PRDM16: variants seen among roughly 807,000 people sequenced by gnomAD.
PRDM16 encodes the protein PR/SET domain 16, also known as histone-lysine N-methyltransferase PRDM16.
PRDM16 carries 23 observed loss-of-function variants against 110.6 expected under a neutral mutation model. The observed-to-expected ratio is 0.21, with a 90% confidence interval of 0.15 to 0.29. The LOEUF (loss-of-function observed/expected upper bound fraction) is 0.29, where lower values mean the gene tolerates loss of function less well. Ranked by LOEUF, PRDM16 falls within the 10% of genes least tolerant of loss-of-function variation. The probability of loss-of-function intolerance (pLI) is 1.00; values close to 1 mark genes in which losing one functional copy is unlikely to be tolerated. For missense variants in PRDM16, 1,615 were observed against 1,794.3 expected (o/e 0.90, Z 1.81); for synonymous variants, 799 against 781.8 (o/e 1.02, Z -0.37).
At position 3,411,919 on chromosome 1, in the gene PRDM16, G is replaced by A; in HGVS notation, c.1722G>A (p.Gly574=). The A allele has an allele frequency of 2.5e-6, 4 of 1,613,734 alleles. No homozygotes were observed. The African/African-American group carries it at 4.0e-5, about 16-fold the overall frequency. ...NSSQGTTAAA[G]PEEKFESRLE... ...GCCAGGGCACGACGGCAGCTGCGGG[G>A]CCCGAGGAGAAGTTCGAGAGCCGCC... Residue 574 remains glycine, a synonymous_variant, in exon 9 of 17, where the codon GGG becomes GGA. Transcript: ENST00000270722.
At position 3,437,797 on chromosome 1, in the gene PRDM16, G is replaced by A. The variant is rs1447584678; in HGVS notation, c.*3986G>A. 3 of 217,828 alleles carry A rather than the reference G, an allele frequency of 1.4e-5. No homozygotes were observed. The highest frequency in any genetic ancestry group is 1.9e-4 in the South Asian group (1 of 5,386). 13.5% of individuals were successfully genotyped at this position (217,828 alleles called of 1,614,324 possible). ...TAAAAGGCAGCTTGAGTTTCCAAAC[G>A]TGTGATTCACTTGTGAACAAAAGTC... On this transcript the variant is annotated 3_prime_UTR_variant, in exon 17 of 17. Coordinates refer to ENST00000270722, the MANE Select transcript of PRDM16 (RefSeq NM_022114.4).
chr1:3,235,520 A>T (rs1364520801), intron 2 of PRDM16, among the ~76,000 whole-genome samples: 1 of 152,108 alleles, frequency 6.6e-6, no homozygotes, highest in Non-Finnish European at 1.5e-5. Flanking sequence ...GCCTGCAGAG[A>T]TCCTTCCCGC....
chr1:3,293,873 T>C (rs1570009923), intron 3 of PRDM16, among the ~76,000 whole-genome samples: 2 of 152,116 alleles, frequency 1.3e-5, no homozygotes, highest in East Asian at 3.9e-4. Context: ...CCCCGGCAGG[T>C]GTCTGAGGGC....
At chr1:3,144,608 A>T (rs1341818099) in intron 1 of PRDM16, among the ~76,000 whole-genome samples, 1 of 152,112 alleles carries the variant, frequency 6.6e-6, no homozygotes, top group Non-Finnish European at 1.5e-5. Flanking sequence ...TGTAGACCCC[A>T]CAGCACCCTG....
intron 2 of PRDM16, among the ~76,000 whole-genome samples, chr1:3,224,733 T>C (rs531330021): frequency 6.6e-6 from 1 of 152,216 alleles, no homozygotes; most frequent in South Asian, 2.1e-4. Context: ...TACTGTGGGC[T>C]CCACAGGATG....
At chr1:3,228,559 T>C (rs1639341946) in intron 2 of PRDM16, among the ~76,000 whole-genome samples, 1 of 152,126 alleles carries the variant, frequency 6.6e-6, no homozygotes, top group Non-Finnish European at 1.5e-5. Flanking sequence ...AAGATGGGCA[T>C]AAAGTTGAAT....
chr1:3,392,334 A>G (rs1643312584), intron 4 of PRDM16, among the ~76,000 whole-genome samples: 1 of 152,218 alleles, frequency 6.6e-6, no homozygotes, highest in Non-Finnish European at 1.5e-5. Flanking sequence ...TACTTGATTC[A>G]AGCCTGCCTT....
chr1:3,177,437 G>C (rs560148840), intron 1 of PRDM16, among the ~76,000 whole-genome samples: 3 of 152,336 alleles, frequency 2.0e-5, no homozygotes, highest in East Asian at 3.9e-4. Context: ...CTCCCAGCTC[G>C]TTCCTGACTA....
intron 1 of PRDM16, among the ~76,000 whole-genome samples, chr1:3,179,680 G>T (rs924474757): frequency 6.6e-6 from 1 of 152,230 alleles, no homozygotes; most frequent in Non-Finnish European, 1.5e-5. Flanking sequence ...TGAAGGGGCC[G>T]CCCGCTCTCA....
intron 3 of PRDM16, among the ~76,000 whole-genome samples, chr1:3,351,581 TCCCTCCCTCTCTCTTC>T (rs1642487815): frequency 1.3e-3 from 1 of 764 alleles, no homozygotes. Context: ...CCTCCTTCTC[TCCCTCCCTCTCTCTTC>T]CCCTCCCTCT....
Position 3,209,116 on chromosome 1 carries a change from G to T in PRDM16, c.387+22642G>T, listed in dbSNP as rs1638820181. Among the ~76,000 whole-genome samples, 2 of 152,202 alleles carry T rather than the reference G, an allele frequency of 1.3e-5. No individual in the cohort carries two copies. The highest frequency in any genetic ancestry group is 4.8e-5 in the African/African-American group (2 of 41,448). On this transcript the variant is annotated intron_variant, in intron 2 of 16. Transcript: ENST00000270722. The surrounding 1 kb of genome is among the most constrained non-coding windows in gnomAD (Gnocchi z 4.6). Reference sequence around the variant, plus strand: ...CTGTGCCAACCTAAACCTGGGGCAGGGTGGACAGCAGGTGGCTTTGAATAT... The same window carrying T: ...CTGTGCCAACCTAAACCTGGGGCAGTGTGGACAGCAGGTGGCTTTGAATAT...
At chr1:3,071,812 G>A (rs1641769264) in intron 1 of PRDM16, among the ~76,000 whole-genome samples, 1 of 152,230 alleles carries the variant, frequency 6.6e-6, no homozygotes, top group African/African-American at 2.4e-5. Flanking sequence ...AACCAGGCCA[G>A]TGGAGGTGAC....
At chr1:3,415,864 G>A (rs573291698) in intron 10 of PRDM16, among the ~76,000 whole-genome samples, 24 of 152,364 alleles carry the variant, frequency 1.6e-4, no homozygotes, top group African/African-American at 5.3e-4. Flanking sequence ...GGCAGAAGGC[G>A]CCAGTTACTA....
At chr1:3,391,756 G>C (rs966209258) in intron 4 of PRDM16, among the ~76,000 whole-genome samples, 2 of 152,236 alleles carry the variant, frequency 1.3e-5, no homozygotes, top group Non-Finnish European at 2.9e-5. Context: ...CTATAGTCTG[G>C]GAGCCTGACT....
chr1:3,368,233 G>A (rs2100572618), intron 3 of PRDM16, among the ~76,000 whole-genome samples: 1 of 152,334 alleles, frequency 6.6e-6, no homozygotes, highest in Admixed American at 6.5e-5. Flanking sequence ...AGGCAGTCCC[G>A]ACAGATGCTT....
chr1:3,418,779 C>T, intron 12 of PRDM16, 35 bp downstream of exon 12: 1 of 1,509,872 alleles, frequency 6.6e-7, no homozygotes, highest in Non-Finnish European at 9.2e-7. Flanking sequence ...GGGGGCGGGG[C>T]CGCCTGCCTC....
At position 3,069,473 on chromosome 1, in the gene PRDM16, C is replaced by T. The variant is rs1641689849; in HGVS notation, c.37+177C>T. On this transcript the variant is annotated intron_variant, in intron 1 of 16. Transcript: ENST00000270722. This position sits in a 1 kb window ranked among gnomAD's most constrained non-coding sequence, Gnocchi z 6.1. ...TCCCGCGCTCCGGGGCGACCGGGCT[C>T]GGCGCGGAGGCTCGGGGCGCCCGGG... 6.9e-6 allele frequency among the ~76,000 whole-genome samples: 1 copy of T among 144,144 alleles called. No homozygotes were observed. The highest frequency in any genetic ancestry group is 1.5e-5 in the Non-Finnish European group (1 of 65,154). The allele number at this position is 144,144 out of a possible 152,430, so 94.6% of individuals were successfully genotyped here.
intron 1 of PRDM16, 90 bp from the exon 2 acceptor site, chr1:3,186,035 C>T (rs1644262973): frequency 8.9e-7 from 1 of 1,123,168 alleles, no homozygotes; most frequent in Admixed American, 1.8e-5. Flanking sequence ...CCTCGGTGCC[C>T]ATTGATGCCC....
chr1:3,162,250 A>G (rs1239801769), intron 1 of PRDM16, among the ~76,000 whole-genome samples: 1 of 152,134 alleles, frequency 6.6e-6, no homozygotes, highest in Non-Finnish European at 1.5e-5. Flanking sequence ...GTGCCCGGTA[A>G]ATAGTGACTC....
Sources: allele counts gnomAD v4.1 joint callset (sites outside exome capture counted in the v4.1 genomes callset), GRCh38; gene constraint gnomAD v4.1.1; non-coding constraint Gnocchi (gnomAD v3.1); transcripts MANE v1.5; gene names NCBI Gene and HGNC (gene_info 2026-07-23, HGNC 2026-07-21).